PCLO: variants seen among roughly 807,000 people sequenced by gnomAD.
PCLO encodes protein piccolo.
In PCLO, 82 loss-of-function variants were observed where a neutral mutation model predicts 427.5. That is an observed-to-expected ratio of 0.19 (90% CI 0.16 to 0.23). PCLO has a LOEUF of 0.23. PCLO is among the 10% of genes least tolerant of loss of function. PCLO has a pLI of 1.00. For synonymous variants in PCLO, 2,357 were observed against 2,155.4 expected (o/e 1.09, Z -2.59); for missense variants, 6,239 against 6,115.9 (o/e 1.02, Z -0.67).
chr7:83,021,290 G>A (rs1351106631), intron 3 of PCLO, among the ~76,000 whole-genome samples: 1 of 152,072 alleles, frequency 6.6e-6, no homozygotes, highest in Non-Finnish European at 1.5e-5. Context: ...CTGTTGTCTT[G>A]GTGTATTGGT....
chr7:82,975,491 T>C (rs1451741374), intron 3 of PCLO, among the ~76,000 whole-genome samples: 3 of 152,188 alleles, frequency 2.0e-5, no homozygotes, highest in South Asian at 2.1e-4. Context: ...GCAGAATGGA[T>C]ACTGGTGGTG....
rs763503655 is a variant in PCLO at position 83,120,219 on chromosome 7, T to A, written c.3300+14031A>T. Among the ~76,000 whole-genome samples the A allele has an allele frequency of 3.3e-5, 5 of 151,716 alleles. No individual in the cohort carries two copies. In the East Asian group the frequency reaches 7.8e-4, roughly 24 times the overall value. ...GAGTTCGAGACCAGCCTGGCCAACA[T>A]AGCAAATCCTAATCTCTACTAAAAA... On this transcript the variant is annotated intron_variant, in intron 3 of 24. Transcript: ENST00000333891.
chr7:83,000,277 G>C (rs1583891186), intron 3 of PCLO, among the ~76,000 whole-genome samples: 2 of 17,828 alleles, frequency 1.1e-4, no homozygotes, highest in African/African-American at 2.8e-3. Flanking sequence ...TTGAGAGAGA[G>C]AGAGAGAGAG....
Position 82,952,347 on chromosome 7 carries a change from G to C in PCLO, c.8606C>G (p.Thr2869Arg), listed in dbSNP as rs1183713559. Residue 2869 changes from threonine (T) to arginine (R), a missense_variant, in exon 5 of 25, where the codon ACA becomes AGA. Around this residue, in one of 5 missense-constraint regions of PCLO, gnomAD observed 4,677 missense variants for 4,468.4 expected, o/e 1.05. Coordinates refer to ENST00000333891, the MANE Select transcript of PCLO (RefSeq NM_033026.6). ...TPAHAVTLAI[T>R]KPVTVPPVGV... ...AACAGGAGGCACAGTGACAGGTTTTGTAATAGCCAATGTCACTGCATGTGC... is the reference window on the plus strand; with the variant it reads ...AACAGGAGGCACAGTGACAGGTTTTCTAATAGCCAATGTCACTGCATGTGC... 4 of 1,613,834 alleles carry C rather than the reference G, an allele frequency of 2.5e-6. No homozygotes were observed. The highest frequency in any genetic ancestry group is 3.4e-6 in the Non-Finnish European group (4 of 1,179,842).
At chr7:83,025,778 G>A (rs970095579) in intron 3 of PCLO, among the ~76,000 whole-genome samples, 6 of 152,158 alleles carry the variant, frequency 3.9e-5, no homozygotes, top group Admixed American at 1.3e-4. Flanking sequence ...CTACAAGCCA[G>A]AAGAGAGTGG....
intron 3 of PCLO, among the ~76,000 whole-genome samples, chr7:83,040,836 C>A (rs1183721651): frequency 6.6e-6 from 1 of 152,076 alleles, no homozygotes; most frequent in African/African-American, 2.4e-5. Context: ...GTTCTGGGCC[C>A]AAGAACAATG....
At chr7:82,943,772 T>C (rs1024747644) in intron 6 of PCLO, among the ~76,000 whole-genome samples, 1 of 151,932 alleles carries the variant, frequency 6.6e-6, no homozygotes, top group African/African-American at 2.4e-5. Flanking sequence ...AATCCATAGA[T>C]ACACAAAAAT....
chr7:82,802,657 T>A (rs552731123), intron 21 of PCLO, among the ~76,000 whole-genome samples: 1 of 152,284 alleles, frequency 6.6e-6, no homozygotes, highest in East Asian at 1.9e-4. Flanking sequence ...AGCATCTTGA[T>A]ACTGCACTTT....
At chr7:83,110,592 A>G (rs1022109911) in intron 3 of PCLO, among the ~76,000 whole-genome samples, 3 of 152,058 alleles carry the variant, frequency 2.0e-5, no homozygotes, top group Non-Finnish European at 4.4e-5. Flanking sequence ...TAACTTTGAC[A>G]TCATTTCTAT....
At chr7:82,856,403 G>A (rs750160522) in intron 10 of PCLO, among the ~76,000 whole-genome samples, 14 of 152,196 alleles carry the variant, frequency 9.2e-5, no homozygotes, top group South Asian at 2.1e-4. Flanking sequence ...TCTAATCACC[G>A]TGACCACTAA....
intron 9 of PCLO, among the ~76,000 whole-genome samples, chr7:82,890,646 T>C (rs1562840181): frequency 6.6e-6 from 1 of 151,964 alleles, no homozygotes; most frequent in East Asian, 1.9e-4. Flanking sequence ...TTTGTTGTAG[T>C]TGCTTTTTTA....
At chr7:82,799,235 T>C (rs1315496874) in intron 22 of PCLO, among the ~76,000 whole-genome samples, 2 of 152,218 alleles carry the variant, frequency 1.3e-5, no homozygotes, top group Admixed American at 6.5e-5. Flanking sequence ...GCTAATTGTA[T>C]AGATGATCAT....
intron 3 of PCLO, among the ~76,000 whole-genome samples, chr7:83,121,673 T>C: frequency 9.1e-6 from 1 of 109,646 alleles, no homozygotes; most frequent in African/African-American, 4.3e-5. Context: ...AATAAATGGA[T>C]GGAAAAAGAT....
rs556545349 is a variant in PCLO, at chr7:82,895,507, A to G, written c.13528+7144T>C. Among the ~76,000 whole-genome samples, 9 of 151,990 alleles carry G rather than the reference A, an allele frequency of 5.9e-5. No homozygotes were observed. In the South Asian group the frequency reaches 1.9e-3, roughly 31 times the overall value. Reference sequence around the variant, plus strand: ...ATCAATAAAATAGAAAACAAAAAATAATGGAGAAAAATCAATAAAAGCAAA... The same window carrying G: ...ATCAATAAAATAGAAAACAAAAAATGATGGAGAAAAATCAATAAAAGCAAA... On this transcript the variant is annotated intron_variant, in intron 9 of 24. Coordinates refer to ENST00000333891, the MANE Select transcript of PCLO (RefSeq NM_033026.6).
At position 82,916,043 on chromosome 7, in the gene PCLO, A is replaced by C; in HGVS notation, c.11943T>G (p.Ile3981Met). 1 of 1,613,100 alleles carries C rather than the reference A, an allele frequency of 6.2e-7. No homozygotes were observed. The highest frequency in any genetic ancestry group is 8.5e-7 in the Non-Finnish European group (1 of 1,179,768). The change falls in exon 7 of 25, where the codon ATT (isoleucine) becomes ATG (methionine). Residue 3981 changes from isoleucine to methionine, a missense_variant. Physicochemically the swap from Ile to Met is conservative, Grantham distance 10 (BLOSUM62 1). Coordinates refer to ENST00000333891, the MANE Select transcript of PCLO (RefSeq NM_033026.6). The stretch of plus-strand genomic sequence containing the variant: ...GTGCTATCATAAGGGGTTGGTTGCG[A>C]ATCACTTCATAGTTTGAGGTTATCT... The part of the protein sequence containing the change: ...EPKITSNYEV[I>M]RNQPLMIAPV...
At chr7:82,850,343 G>A (rs1344290680) in intron 10 of PCLO, among the ~76,000 whole-genome samples, 1 of 152,006 alleles carries the variant, frequency 6.6e-6, no homozygotes. Context: ...AAGACAGTCT[G>A]GAGTTTTGCT....
chr7:83,094,442 C>T lies in PCLO; in HGVS notation c.3300+39808G>A, dbSNP rs541383081. 1.4e-4 allele frequency among the ~76,000 whole-genome samples: 22 copies of T among 152,124 alleles called. No homozygotes were observed. The South Asian group carries it at 4.6e-3, about 32-fold the overall frequency. On this transcript the variant is annotated intron_variant, in intron 3 of 24. Transcript: ENST00000333891. ...CAGGATGGTCTCGATCTCTTGACCT[C>T]GTGATCCGCCTGCCTCGGCCTCCCA...
intron 6 of PCLO, among the ~76,000 whole-genome samples, chr7:82,943,118 G>T (rs1209905598): frequency 1.3e-5 from 2 of 152,026 alleles, no homozygotes; most frequent in African/African-American, 4.8e-5. Flanking sequence ...GACATTAAAG[G>T]ATTCCAAAAA....
At chr7:83,103,691 T>A (rs189621370) in intron 3 of PCLO, among the ~76,000 whole-genome samples, 1 of 152,088 alleles carries the variant, frequency 6.6e-6, no homozygotes, top group Non-Finnish European at 1.5e-5. Context: ...AACAAGATGA[T>A]CACTAAAATT....
Sources: allele counts gnomAD v4.1 joint callset (sites outside exome capture counted in the v4.1 genomes callset), GRCh38; gene constraint gnomAD v4.1.1; regional missense constraint gnomAD v4.1.1; transcripts MANE v1.5; gene names NCBI Gene and HGNC (gene_info 2026-07-23, HGNC 2026-07-21).